SV2C: variants seen among roughly 807,000 people sequenced by gnomAD.
SV2C encodes the protein synaptic vesicle glycoprotein 2C.
SV2C carries 49 observed loss-of-function variants against 79.7 expected under a neutral mutation model. The ratio of observed to expected loss-of-function variants is 0.61; its 90% confidence interval spans 0.49 to 0.78. The LOEUF is 0.78. SV2C is among the 30% of genes least tolerant of loss of function. The pLI is 0.00. For synonymous variants in SV2C, 334 were observed against 333.2 expected (o/e 1.00, Z -0.03); for missense variants, 833 against 912.9 (o/e 0.91, Z 1.13).
chr5:76,106,004 C>T lies in SV2C; in HGVS notation c.-102+22492C>T, dbSNP rs540262329. On this transcript the variant is annotated intron_variant, in intron 1 of 12. Transcript: ENST00000502798. ...CACTCCCAAATGCATATGTTTGGCC[C>T]AGACCTCTATCCCCTGAACTTCAGC... Among the ~76,000 whole-genome samples the T allele has an allele frequency of 4.6e-5, 7 of 152,214 alleles. No individual in the cohort carries two copies. In the South Asian group the frequency reaches 1.5e-3, roughly 32 times the overall value.
chr5:75,869,272 C>T, the SV2C span, among the ~76,000 whole-genome samples: 1 of 152,042 alleles, frequency 6.6e-6, no homozygotes, highest in Non-Finnish European at 1.5e-5. Context: ...GAGGGGAGCC[C>T]ACTCCCCTGT....
intron 1 of SV2C, among the ~76,000 whole-genome samples, chr5:76,112,192 T>C (rs1748116363): frequency 6.6e-6 from 1 of 152,058 alleles, no homozygotes; most frequent in Non-Finnish European, 1.5e-5. Context: ...ACACAAAATA[T>C]GTTGTATGTT....
chr5:76,092,761 C>T (rs1312776294), intron 1 of SV2C, among the ~76,000 whole-genome samples: 2 of 152,286 alleles, frequency 1.3e-5, no homozygotes, highest in Non-Finnish European at 2.9e-5. Context: ...CCTACCATCT[C>T]TTCTTCCCCA....
intron 1 of SV2C, among the ~76,000 whole-genome samples, chr5:76,096,082 G>T (rs1198805041): frequency 1.3e-5 from 2 of 152,148 alleles, no homozygotes; most frequent in Non-Finnish European, 2.9e-5. Flanking sequence ...CTTTCCACGT[G>T]ATTGTAGGGG....
the SV2C span, among the ~76,000 whole-genome samples, chr5:75,909,160 A>ATTC: frequency 6.6e-6 from 1 of 152,194 alleles, no homozygotes; most frequent in African/African-American, 2.4e-5. Context: ...CTAAGGGACC[A>ATTC]CACTGATTTC....
At chr5:75,874,013 C>G in the SV2C span, among the ~76,000 whole-genome samples, 1 of 152,062 alleles carries the variant, frequency 6.6e-6, no homozygotes, top group Non-Finnish European at 1.5e-5. Context: ...TGAAACTATT[C>G]CAGAAAATTG....
At chr5:75,995,333 T>C in the SV2C span, among the ~76,000 whole-genome samples, 1 of 152,110 alleles carries the variant, frequency 6.6e-6, no homozygotes. Flanking sequence ...ATGAGAAGTT[T>C]CTTTTTTCCT....
At chr5:76,259,103 G>A (rs1746385490) in intron 4 of SV2C, among the ~76,000 whole-genome samples, 1 of 152,154 alleles carries the variant, frequency 6.6e-6, no homozygotes, top group Admixed American at 6.5e-5. Context: ...TACAGGGTTG[G>A]GGAAAGAATT....
intron 2 of SV2C, among the ~76,000 whole-genome samples, chr5:76,181,707 C>T (rs904078780): frequency 2.6e-5 from 4 of 152,132 alleles, no homozygotes; most frequent in African/African-American, 9.7e-5. Context: ...AAACCACCCC[C>T]ATGATCAACC....
the SV2C span, among the ~76,000 whole-genome samples, chr5:75,976,830 T>G: frequency 6.6e-6 from 1 of 152,200 alleles, no homozygotes. Flanking sequence ...AACTTAAAAC[T>G]TTAGAAATAG....
At chr5:75,889,676 A>G in the SV2C span, among the ~76,000 whole-genome samples, 1 of 152,112 alleles carries the variant, frequency 6.6e-6, no homozygotes, top group Non-Finnish European at 1.5e-5. Context: ...TGGGGTCAGG[A>G]CTTCAATGTA....
At chr5:76,172,987 A>G (rs1166034346) in intron 2 of SV2C, among the ~76,000 whole-genome samples, 1 of 126,916 alleles carries the variant, frequency 7.9e-6, no homozygotes, top group African/African-American at 2.9e-5. Flanking sequence ...TCCCTCCACT[A>G]TTGTCCCATG....
chr5:76,199,708 C>T (rs1187195681), intron 3 of SV2C, among the ~76,000 whole-genome samples: 2 of 152,220 alleles, frequency 1.3e-5, no homozygotes, highest in East Asian at 3.8e-4. Flanking sequence ...TTGCAGCCAT[C>T]TGTGTCATTG....
chr5:75,922,938 AC>A, the SV2C span, among the ~76,000 whole-genome samples: 67 of 152,350 alleles, frequency 4.4e-4, no homozygotes, highest in African/African-American at 1.5e-3. Context: ...GAACATATCA[AC>A]TAATGGAAAT....
At chr5:76,252,351 C>T (rs11748793) in intron 4 of SV2C, among the ~76,000 whole-genome samples, 66,337 of 151,928 alleles carry the variant, frequency 0.44, 14,767 homozygotes, top group Middle Eastern at 0.49. Context: ...AAACTCCTGA[C>T]CTCAGGTGAT....
At chr5:76,273,126 TAA>T (rs1746921805) in intron 4 of SV2C, among the ~76,000 whole-genome samples, 1 of 147,306 alleles carries the variant, frequency 6.8e-6, no homozygotes, top group Admixed American at 6.8e-5. Context: ...TAAATTTGCA[TAA>T]AAATCTTTTA....
the SV2C span, among the ~76,000 whole-genome samples, chr5:76,073,489 G>T: frequency 9.3e-6 from 1 of 108,104 alleles, no homozygotes; most frequent in African/African-American, 3.7e-5. Flanking sequence ...AGAAAATGTG[G>T]TATGTATGTG....
At chr5:76,084,038 G>T (rs957896182) in intron 1 of SV2C, 6 of 152,304 alleles carry the variant, frequency 3.9e-5, no homozygotes, top group African/African-American at 1.4e-4. Flanking sequence ...AGTAAGTGCT[G>T]AGAGAGCCTG....
At chr5:76,050,579 TCTCTCTCTCTTTCA>T in the SV2C span, among the ~76,000 whole-genome samples, 2,019 of 152,304 alleles carry the variant, frequency 0.013, 47 homozygotes, top group African/African-American at 0.046. Flanking sequence ...GATCTCTCTC[TCTCTCTCTCTTTCA>T]CTCTCTCTCT....
Sources: gnomAD v4.1 joint callset for allele counts (sites outside exome capture counted in the v4.1 genomes callset) on GRCh38, gnomAD v4.1.1 for gene constraint, MANE v1.5 for transcripts, NCBI Gene and HGNC (gene_info 2026-07-23, HGNC 2026-07-21) for gene names.